BPTF: variants seen among roughly 807,000 people sequenced by gnomAD.
BPTF encodes nucleosome-remodeling factor subunit BPTF.
In BPTF, 18 loss-of-function variants were observed where a neutral mutation model predicts 292.5. That is an observed-to-expected ratio of 0.06 (90% CI 0.04 to 0.09). The LOEUF (loss-of-function observed/expected upper bound fraction) is 0.09, where lower values mean the gene tolerates loss of function less well. Among genes scored for constraint, BPTF ranks in the 10% least tolerant of loss-of-function variants. The pLI is 1.00. For synonymous variants in BPTF, 1,225 were observed against 1,251.9 expected, an observed-to-expected ratio of 0.98 and a Z score of 0.45; for missense variants, 2,726 against 3,498.7, an observed-to-expected ratio of 0.78 and a Z score of 5.57.
chr17:67,836,875 C>G (rs1270573942), intron 1 of BPTF, among the ~76,000 whole-genome samples: 1 of 152,200 alleles, frequency 6.6e-6, no homozygotes, highest in Admixed American at 6.5e-5. Flanking sequence ...GGTGGTTTTA[C>G]TGTAATTTCA....
intron 26 of BPTF, among the ~76,000 whole-genome samples, chr17:67,968,295 T>C (rs2068354653): frequency 1.3e-5 from 2 of 151,192 alleles, no homozygotes; most frequent in African/African-American, 4.9e-5. Context: ...ATGAAAACTA[T>C]CTCTGAAAAA....
intron 26 of BPTF, 99 bp downstream of exon 26, chr17:67,966,755 G>A (rs574481951): frequency 2.8e-4 from 306 of 1,074,988 alleles, no homozygotes; most frequent in Non-Finnish European, 3.3e-4. Context: ...CAAGGCTGGT[G>A]GGGGTATAAA....
chr17:67,844,812 C>T (rs558574832), intron 1 of BPTF, among the ~76,000 whole-genome samples: 9 of 152,164 alleles, frequency 5.9e-5, no homozygotes, highest in South Asian at 2.1e-4. Context: ...GGCATGATCT[C>T]GGCTCACCGC....
intron 24 of BPTF, chr17:67,963,589 AAG>A (rs1383996724): frequency 1.3e-5 from 17 of 1,264,576 alleles, no homozygotes; most frequent in Admixed American, 3.9e-5. Flanking sequence ...TTAAAATAAA[AAG>A]CAGATTTTTT....
chr17:67,860,902 T>A (rs1247717832), intron 2 of BPTF, among the ~76,000 whole-genome samples: 1 of 152,208 alleles, frequency 6.6e-6, no homozygotes, highest in Non-Finnish European at 1.5e-5. Flanking sequence ...CCGAATCAAC[T>A]AAACTATGCT....
intron 1 of BPTF, among the ~76,000 whole-genome samples, chr17:67,832,762 T>C (rs139553934): frequency 2.6e-5 from 4 of 151,142 alleles, no homozygotes; most frequent in African/African-American, 9.7e-5. Context: ...TAATCTACTT[T>C]GATTCCCTGT....
rs1177305623 is a variant in BPTF at position 67,926,911 on chromosome 17, CT to C, written c.5752-1433del. ...CTACCACACCCACCTTTGCCTCCCT[CT>C]TTTTTTTTTTCTTTCTTTTTTTAAC... On this transcript the variant is annotated intron_variant, in intron 15 of 27. Transcript: ENST00000306378. Among the ~76,000 whole-genome samples the C allele has an allele frequency of 3.3e-4, 48 of 146,506 alleles. 1 individual carries two copies. Among genetic ancestry groups the C allele is most frequent in the Middle Eastern group, 3.5e-3 (1 of 284 alleles).
intron 27 of BPTF, among the ~76,000 whole-genome samples, chr17:67,981,109 T>G (rs1302570609): frequency 6.6e-6 from 1 of 152,114 alleles, no homozygotes; most frequent in Non-Finnish European, 1.5e-5. Flanking sequence ...CAGTGAGCTG[T>G]GATTGCGCCA....
chr17:67,923,196 C>G (rs1048398384), intron 14 of BPTF, among the ~76,000 whole-genome samples: 5 of 151,526 alleles, frequency 3.3e-5, no homozygotes, highest in African/African-American at 1.2e-4. Context: ...CCTAGGACTA[C>G]AGGTGCATGC....
In BPTF at chr17:67,902,433, C is replaced by T. The variant is rs139156737; in HGVS notation, c.2544-1356C>T. Among the ~76,000 whole-genome samples the T allele has an allele frequency of 3.9e-5, 6 of 152,286 alleles. No homozygotes were observed. The East Asian group carries it at 1.2e-3, about 29-fold the overall frequency. On this transcript the variant is annotated intron_variant, in intron 7 of 27. Coordinates refer to ENST00000306378, the MANE Select transcript of BPTF (RefSeq NM_182641.4). ...TAGCCTGAGACTGTCAGGTTATCCA[C>T]CGTATTGTGCCTACAGAGCTAGTCC...
intron 27 of BPTF, 124 bp downstream of exon 27, chr17:67,976,082 A>C (rs201743826): frequency 5.0e-6 from 3 of 604,332 alleles, no homozygotes; most frequent in Non-Finnish European, 7.7e-6. Context: ...TAAAAAAAAA[A>C]TAAATAAATC....
intron 24 of BPTF, among the ~76,000 whole-genome samples, chr17:67,960,810 A>G (rs1485768396): frequency 6.6e-6 from 1 of 152,206 alleles, no homozygotes; most frequent in Non-Finnish European, 1.5e-5. Context: ...ATGATGTTCA[A>G]GTTGCAACAT....
chr17:67,984,190 CTATT>C lies in BPTF; in HGVS notation c.*1907_*1910del, dbSNP rs562919605. On this transcript the variant is annotated 3_prime_UTR_variant, in exon 28 of 28. Transcript: ENST00000306378. ...CTCATCACGTCACAGTATTTCTGTA[CTATT>C]TATTCATATATATAAATATATATGG... 9 of 152,528 alleles carry C rather than the reference CTATT, an allele frequency of 5.9e-5. No individual in the cohort carries two copies. In the East Asian group the frequency reaches 9.6e-4, roughly 16 times the overall value. 9.4% of individuals were successfully genotyped at this position (152,528 alleles called of 1,614,324 possible). A position where few individuals can be genotyped will look rare whatever the true frequency, so the allele number is the denominator to read the frequency against.
chr17:67,971,534 G>A lies in BPTF; in HGVS notation c.8540-4238G>A, dbSNP rs148288638. Among the ~76,000 whole-genome samples, 129 of 151,446 alleles carry A rather than the reference G, an allele frequency of 8.5e-4. 1 individual carries two copies. The highest frequency in any genetic ancestry group is 2.6e-3 in the African/African-American group (107 of 41,308). On this transcript the variant is annotated intron_variant, in intron 26 of 27. Coordinates refer to ENST00000306378, the MANE Select transcript of BPTF (RefSeq NM_182641.4). ...TAAATTACACTTTAGGGCCGGGCAC[G>A]GTGGCTCATGCCTGTAATCCCAGCC...
chr17:67,981,485 T>TG, intron 27 of BPTF: 5 of 1,224,360 alleles, frequency 4.1e-6, no homozygotes, highest in Non-Finnish European at 5.2e-6. Context: ...AACTGGATGT[T>TG]GGGGTCACTC....
chr17:67,854,353 G>A lies in BPTF; in HGVS notation c.1027G>A (p.Val343Ile), dbSNP rs200853934. The change falls in exon 2 of 28, where the codon GTT (valine) becomes ATT (isoleucine). Residue 343 changes from valine to isoleucine, a missense_variant. Physicochemically the swap from Val to Ile is conservative, Grantham distance 29. This residue lies in a region of BPTF where 102 missense variants were observed against 212.6 expected (regional missense o/e 0.48). Coordinates refer to ENST00000306378, the MANE Select transcript of BPTF (RefSeq NM_182641.4). This position sits in a 1 kb window ranked among gnomAD's most constrained non-coding sequence, Gnocchi z 5.6. The stretch of plus-strand genomic sequence containing the variant: ...TGAGAGTGATAAGGAGTACCATCAC[G>A]TTCTTCCTTACCAAGAGGCAGAGGA... ...YCESDKEYHHVLPYQEAEDYP... is the reference protein window; with the variant it reads ...YCESDKEYHHILPYQEAEDYP... 158 of 1,614,048 alleles carry A rather than the reference G, an allele frequency of 9.8e-5. No individual in the cohort carries two copies. The highest frequency in any genetic ancestry group is 1.2e-4 in the Non-Finnish European group (147 of 1,180,032).
chr17:67,961,887 T>C (rs1169588372), intron 24 of BPTF, among the ~76,000 whole-genome samples: 1 of 151,414 alleles, frequency 6.6e-6, no homozygotes, highest in Non-Finnish European at 1.5e-5. Context: ...GTCAGGAGAA[T>C]CGCTTGAACC....
At chr17:67,972,318 C>T (rs1385010096) in intron 26 of BPTF, among the ~76,000 whole-genome samples, 1 of 152,098 alleles carries the variant, frequency 6.6e-6, no homozygotes, top group Non-Finnish European at 1.5e-5. Flanking sequence ...TCACTGCAAC[C>T]TCTGCCACCC....
chr17:67,966,789 A>G, intron 26 of BPTF, 133 bp downstream of exon 26: 1 of 782,470 alleles, frequency 1.3e-6, no homozygotes, highest in Non-Finnish European at 1.9e-6. Flanking sequence ...TTTGGAGGGT[A>G]AATTGTTAGT....
Sources: allele counts gnomAD v4.1 joint callset (sites outside exome capture counted in the v4.1 genomes callset), GRCh38; gene constraint gnomAD v4.1.1; regional missense constraint gnomAD v4.1.1; non-coding constraint Gnocchi (gnomAD v3.1); transcripts MANE v1.5; gene names NCBI Gene and HGNC (gene_info 2026-07-23, HGNC 2026-07-21).